Variants in UBR3 observed in about 807,000 individuals in gnomAD.
UBR3 encodes the protein E3 ubiquitin-protein ligase UBR3.
A neutral mutation model predicts 243.2 loss-of-function variants in UBR3; 85 were observed. The ratio of observed to expected loss-of-function variants is 0.35; its 90% CI spans 0.29 to 0.42. UBR3 has a LOEUF of 0.42. Ranked by LOEUF, UBR3 falls within the 10% of genes least tolerant of loss-of-function variation. The pLI is 1.00. For missense variants in UBR3, 1,686 were observed against 2,300.8 expected (o/e 0.73, Z 5.47); for synonymous variants, 748 against 799.8 (o/e 0.94, Z 1.09).
At chr2:170,078,224 T>G in intron 36 of UBR3, 3 of 479,160 alleles carry the variant, frequency 6.3e-6, no homozygotes, top group Non-Finnish European at 1.2e-5. Flanking sequence ...CTTCTTTCCC[T>G]TTTTCTCATG....
intron 1 of UBR3, among the ~76,000 whole-genome samples, chr2:169,837,028 ATCT>A (rs143466137): frequency 0.039 from 5,966 of 152,320 alleles, 175 homozygotes; most frequent in Non-Finnish European, 0.059. Flanking sequence ...TGTTAAAGAA[ATCT>A]TCTTCACCTT....
intron 4 of UBR3, 66 bp from the exon 5 acceptor site, chr2:169,878,459 A>G (rs890943842): frequency 8.4e-6 from 12 of 1,430,250 alleles, no homozygotes; most frequent in Non-Finnish European, 8.6e-6. Flanking sequence ...TATTTCTCAG[A>G]ATAATTTGAA....
intron 31 of UBR3, among the ~76,000 whole-genome samples, chr2:170,038,259 C>T (rs2090879965): frequency 6.6e-6 from 1 of 152,118 alleles, no homozygotes; most frequent in South Asian, 2.1e-4. Context: ...ATTGGGCTAG[C>T]TTAAATGGAT....
intron 32 of UBR3, 147 bp from the exon 33 acceptor site, chr2:170,055,313 A>T: frequency 1.2e-6 from 1 of 830,714 alleles, no homozygotes; most frequent in Non-Finnish European, 1.8e-6. Flanking sequence ...ACAGACTGAG[A>T]CCTCGTCTCA....
intron 1 of UBR3, among the ~76,000 whole-genome samples, chr2:169,851,836 CA>C (rs139828838): frequency 0.17 from 15,413 of 90,460 alleles, 749 homozygotes; most frequent in Non-Finnish European, 0.21. Context: ...GGCTCCGTCT[CA>C]AAAAAAAAAA....
chr2:169,926,360 G>A (rs2085908319), intron 14 of UBR3, among the ~76,000 whole-genome samples: 1 of 152,192 alleles, frequency 6.6e-6, no homozygotes. Context: ...GGCCAAGGCA[G>A]GCAGATCACT....
intron 19 of UBR3, among the ~76,000 whole-genome samples, chr2:169,934,312 G>T (rs2086244267): frequency 6.6e-6 from 1 of 152,092 alleles, no homozygotes; most frequent in Non-Finnish European, 1.5e-5. Flanking sequence ...ATGGTTAGTT[G>T]TTTTGAATGT....
intron 31 of UBR3, 80 bp from the exon 32 acceptor site, chr2:170,040,802 A>T: frequency 9.6e-7 from 1 of 1,044,432 alleles, no homozygotes; most frequent in Non-Finnish European, 1.4e-6. Flanking sequence ...TCTGTTCCAT[A>T]GATATATATG....
intron 1 of UBR3, among the ~76,000 whole-genome samples, chr2:169,853,553 C>T (rs184004717): frequency 1.8e-3 from 272 of 151,892 alleles, no homozygotes; most frequent in African/African-American, 2.8e-3. Flanking sequence ...CAGGTTCAAA[C>T]GATTCTCCTG....
intron 15 of UBR3, 24 bp from the exon 16 acceptor site, chr2:169,926,814 T>C (rs1171827515): frequency 2.6e-6 from 4 of 1,545,350 alleles, no homozygotes; most frequent in South Asian, 1.2e-5. Context: ...TATAAAAATA[T>C]GTTTCAAATA....
At chr2:170,045,778 G>A (rs1245239787) in intron 32 of UBR3, among the ~76,000 whole-genome samples, 1 of 151,838 alleles carries the variant, frequency 6.6e-6, no homozygotes, top group Non-Finnish European at 1.5e-5. Context: ...CCCACCTGTG[G>A]TTATTTTGAA....
rs1370365729 is a variant in UBR3 at position 170,083,510 on chromosome 2, TC to T, written c.*1668del. ...CAGCCTGTCATACTTTTTGCATTGA[TC>T]GTTATGAATACCAGACCATTTGTAA... On this transcript the variant is annotated 3_prime_UTR_variant, in exon 39 of 39. Coordinates refer to ENST00000272793, the MANE Select transcript of UBR3 (RefSeq NM_172070.4). 1 of 152,650 alleles carries T rather than the reference TC, an allele frequency of 6.6e-6. No individual in the cohort carries two copies. The highest frequency in any genetic ancestry group is 2.4e-5 in the African/African-American group (1 of 41,476). 9.5% of individuals were successfully genotyped at this position (152,650 alleles called of 1,614,324 possible).
chr2:169,856,220 C>T (rs2082852265), intron 1 of UBR3, among the ~76,000 whole-genome samples: 1 of 150,836 alleles, frequency 6.6e-6, no homozygotes, highest in South Asian at 2.1e-4. Flanking sequence ...AGAGGCGCTC[C>T]TCACATCCCA....
chr2:169,957,009 A>G (rs1215888008), intron 23 of UBR3, among the ~76,000 whole-genome samples: 2 of 152,152 alleles, frequency 1.3e-5, no homozygotes, highest in African/African-American at 4.8e-5. Context: ...AAAGGACATC[A>G]GTTCCTCTTT....
At position 169,895,289 on chromosome 2, in the gene UBR3, T is replaced by C; in HGVS notation, c.1214T>C (p.Met405Thr). 6.5e-7 allele frequency: 1 copy of C among 1,544,792 alleles called. No homozygotes were observed. Among genetic ancestry groups the C allele is most frequent in the Non-Finnish European group, 8.7e-7 (1 of 1,145,306 alleles). ...AAGATGGTAACTTTCTTACTCAACATGCTTCCAGATCAAGAGTATAAGGTA... is the reference window on the plus strand; with the variant it reads ...AAGATGGTAACTTTCTTACTCAACACGCTTCCAGATCAAGAGTATAAGGTA... ...PQKMVTFLLNMLPDQEYKVAF... is the reference protein window; with the variant it reads ...PQKMVTFLLNTLPDQEYKVAF... Residue 405 changes from methionine (M) to threonine (T), a missense_variant, in exon 7 of 39, where the codon ATG becomes ACG. Met to Thr is a moderately conservative substitution (Grantham distance 81). Coordinates refer to ENST00000272793, the MANE Select transcript of UBR3 (RefSeq NM_172070.4).
At chr2:169,890,534 G>GAT (rs1329333538) in intron 5 of UBR3, among the ~76,000 whole-genome samples, 25 of 17,450 alleles carry the variant, frequency 1.4e-3, no homozygotes, top group African/African-American at 4.4e-3. Context: ...AGGAGAGAGA[G>GAT]AGAGAGATAT....
intron 1 of UBR3, among the ~76,000 whole-genome samples, chr2:169,851,736 G>C (rs2082663948): frequency 1.3e-5 from 2 of 151,660 alleles, no homozygotes; most frequent in Non-Finnish European, 2.9e-5. Flanking sequence ...GACTCAGGAG[G>C]CTGAGGCAGG....
chr2:169,920,379 A>T (rs1254660686), intron 11 of UBR3, among the ~76,000 whole-genome samples: 1 of 152,158 alleles, frequency 6.6e-6, no homozygotes, highest in Non-Finnish European at 1.5e-5. Flanking sequence ...TGAAGAGTTA[A>T]TGGGTGCAGC....
chr2:169,857,064 G>GTTTTGT (rs1255937396), intron 1 of UBR3, among the ~76,000 whole-genome samples: 1,345 of 56,028 alleles, frequency 0.024, 107 homozygotes, highest in East Asian at 0.074. Flanking sequence ...ATTTTATTAT[G>GTTTTGT]TTTTTTTTTT....
Sources: allele counts gnomAD v4.1 joint callset (sites outside exome capture counted in the v4.1 genomes callset), GRCh38; gene constraint gnomAD v4.1.1; transcripts MANE v1.5; gene names NCBI Gene and HGNC (gene_info 2026-07-23, HGNC 2026-07-21).